The following WSCD2 variants were observed in gnomAD, a reference collection of about 807,000 sequenced individuals.
The protein encoded by WSCD2 is sialate:O-sulfotransferase 2.
In WSCD2, 28 loss-of-function variants were observed where a neutral mutation model predicts 55.7. The observed-to-expected ratio is 0.50, with a 90% CI of 0.37 to 0.69. The LOEUF (loss-of-function observed/expected upper bound fraction) is 0.69, where lower values mean the gene tolerates loss of function less well. WSCD2 is among the 30% of genes least tolerant of loss of function. The pLI, the probability that WSCD2 is intolerant of heterozygous loss-of-function variation, is 0.00. For missense variants in WSCD2, 616 were observed against 762.1 expected (o/e 0.81, Z 2.26); for synonymous variants, 301 against 301.9 (o/e 1.00, Z 0.03).
intron 1 of WSCD2, among the ~76,000 whole-genome samples, chr12:108,165,948 T>G (rs1879554929): frequency 6.6e-6 from 1 of 152,216 alleles, no homozygotes; most frequent in African/African-American, 2.4e-5. Flanking sequence ...AGCAAGCATT[T>G]GAGAGGTGTT....
intron 3 of WSCD2, among the ~76,000 whole-genome samples, chr12:108,209,150 A>G (rs934648803): frequency 6.6e-6 from 1 of 152,130 alleles, no homozygotes; most frequent in Non-Finnish European, 1.5e-5. Context: ...CCTTTTTAGG[A>G]AAGGATTCCA....
chr12:108,172,629 C>T (rs752332554), intron 1 of WSCD2, among the ~76,000 whole-genome samples: 1 of 152,144 alleles, frequency 6.6e-6, no homozygotes, highest in East Asian at 1.9e-4. Context: ...ATTGGGGTTA[C>T]ACCTCTACAA....
Position 108,248,016 on chromosome 12 carries a change from T to C in WSCD2, c.1371T>C (p.Tyr457=), listed in dbSNP as rs759461933. ...AGTGGCCAGAGTTCGTGAGGAACTA[T>C]GCCCCGTGGTGGGCCACTCACACAC... ...GKEWPEFVRN[Y]APWWATHTLD... is the part of the protein sequence containing the mutation. The change falls in exon 9 of 9, where the codon TAT becomes TAC. Residue 457 remains tyrosine, a synonymous_variant. Transcript: ENST00000547525. The surrounding 1 kb of genome is among the most constrained non-coding windows in gnomAD (Gnocchi z 4.3). 1.2e-6 allele frequency: 2 copies of C among 1,613,946 alleles called. No individual in the cohort carries two copies. Among genetic ancestry groups the C allele is most frequent in the East Asian group, 2.2e-5 (1 of 44,866 alleles).
intron 4 of WSCD2, among the ~76,000 whole-genome samples, chr12:108,216,344 G>T (rs532271225): frequency 6.6e-6 from 1 of 152,306 alleles, no homozygotes; most frequent in East Asian, 1.9e-4. Context: ...TAATGACATA[G>T]AGTAAACAGC....
intron 2 of WSCD2, among the ~76,000 whole-genome samples, chr12:108,202,313 G>T: frequency 6.6e-6 from 1 of 152,298 alleles, no homozygotes; most frequent in Middle Eastern, 3.4e-3. Flanking sequence ...TAATCAGGCC[G>T]TGATGCATAA....
rs1197446218 is a variant in WSCD2 at position 108,196,056 on chromosome 12, G to C, written c.224G>C (p.Gly75Ala). 1 of 1,614,064 alleles carries C rather than the reference G, an allele frequency of 6.2e-7. No homozygotes were observed. The highest frequency in any genetic ancestry group is 1.3e-5 in the African/African-American group (1 of 74,926). ...TTGGGTGACATGCATCTGGGCAGAG[G>C]TTTCCGGGACACAGGTGAAGCCTCA... ...SFLGDMHLGR[G>A]FRDTGEASSI... is the part of the protein sequence containing the mutation. Residue 75 changes from glycine to alanine, a missense_variant, in exon 2 of 9, where the codon GGT becomes GCT. Gly to Ala is a moderately conservative substitution (Grantham distance 60, BLOSUM62 0). Transcript: ENST00000547525.
chr12:108,187,941 G>A (rs775068375), intron 1 of WSCD2, among the ~76,000 whole-genome samples: 63 of 152,278 alleles, frequency 4.1e-4, no homozygotes, highest in Non-Finnish European at 3.5e-4. Flanking sequence ...TGCAACAAGC[G>A]AAGATGGCTG....
At chr12:108,226,730 C>A (rs1888134931) in intron 5 of WSCD2, among the ~76,000 whole-genome samples, 1 of 152,170 alleles carries the variant, frequency 6.6e-6, no homozygotes, top group African/African-American at 2.4e-5. Context: ...GGTAGCCATA[C>A]AAAGTATCCT....
intron 2 of WSCD2, among the ~76,000 whole-genome samples, chr12:108,198,081 G>A (rs947192938): frequency 4.6e-5 from 7 of 150,900 alleles, no homozygotes; most frequent in East Asian, 1.9e-4. Context: ...CACAATCCCC[G>A]ACTCTATTTT....
rs1592873954 is a variant in WSCD2, at chr12:108,142,066, T to A, written c.-552+12140T>A. Among the ~76,000 whole-genome samples the A allele has an allele frequency of 3.3e-5, 5 of 152,358 alleles. 1 individual carries two copies. The highest frequency in any genetic ancestry group is 3.3e-4 in the Admixed American group (5 of 15,310). On this transcript the variant is annotated intron_variant, in intron 1 of 8. Coordinates refer to ENST00000547525, the MANE Select transcript of WSCD2 (RefSeq NM_014653.4). The stretch of plus-strand genomic sequence containing the variant: ...AATTAGTTTCTTAATCTGCTTTAAG[T>A]TGCTAAAATGCCCCCGTCTCCCTTC...
At chr12:108,149,221 C>T (rs1005256041) in intron 1 of WSCD2, among the ~76,000 whole-genome samples, 13 of 152,150 alleles carry the variant, frequency 8.5e-5, no homozygotes, top group African/African-American at 2.2e-4. Flanking sequence ...AATGGGACTG[C>T]GGGATTGCAA....
chr12:108,239,091 G>A (rs538630052), intron 7 of WSCD2, among the ~76,000 whole-genome samples: 4 of 152,020 alleles, frequency 2.6e-5, no homozygotes, highest in African/African-American at 9.7e-5. Flanking sequence ...TCCTCTTAAG[G>A]GTTCTCCAGT....
At chr12:108,186,185 TC>T (rs1223916507) in intron 1 of WSCD2, among the ~76,000 whole-genome samples, 1 of 152,052 alleles carries the variant, frequency 6.6e-6, no homozygotes, top group Non-Finnish European at 1.5e-5. Flanking sequence ...TAAATTATTG[TC>T]CCCCCTTTTT....
chr12:108,185,504 C>T (rs1162433575), intron 1 of WSCD2, among the ~76,000 whole-genome samples: 1 of 152,120 alleles, frequency 6.6e-6, no homozygotes, highest in Non-Finnish European at 1.5e-5. Context: ...ACCACCCTAC[C>T]ACACACAGCT....
Position 108,209,432 on chromosome 12 carries a change from G to A in WSCD2, c.498-689G>A, listed in dbSNP as rs75251890. Among the ~76,000 whole-genome samples, 613 of 152,174 alleles carry A rather than the reference G, an allele frequency of 4.0e-3. 7 individuals carry two copies. Among genetic ancestry groups the A allele is most frequent in the African/African-American group, 0.014 (571 of 41,526 alleles). On this transcript the variant is annotated intron_variant, in intron 3 of 8. Coordinates refer to ENST00000547525, the MANE Select transcript of WSCD2 (RefSeq NM_014653.4). ...TGAATGTCTCAGGTTTCCAGACAGGGAAAAGCAAGAAAGAGAGTGGGGTAG... is the reference window on the plus strand; with the variant it reads ...TGAATGTCTCAGGTTTCCAGACAGGAAAAAGCAAGAAAGAGAGTGGGGTAG...
At chr12:108,207,185 T>G (rs1459205073) in intron 3 of WSCD2, among the ~76,000 whole-genome samples, 1 of 152,016 alleles carries the variant, frequency 6.6e-6, no homozygotes, top group Admixed American at 6.5e-5. Context: ...GAGCTGAGCT[T>G]CTCTCCTTGT....
intron 1 of WSCD2, among the ~76,000 whole-genome samples, chr12:108,152,144 G>A (rs971936047): frequency 1.4e-4 from 22 of 152,234 alleles, no homozygotes; most frequent in Non-Finnish European, 2.8e-4. Flanking sequence ...AGAGGAAAAA[G>A]AAGAGAAGCA....
chr12:108,156,582 C>G (rs1002490501), intron 1 of WSCD2, among the ~76,000 whole-genome samples: 7 of 152,176 alleles, frequency 4.6e-5, no homozygotes, highest in Non-Finnish European at 1.0e-4. Context: ...AAAATCTGAT[C>G]TGGCAGATTG....
At chr12:108,139,944 A>G (rs11613237) in intron 1 of WSCD2, among the ~76,000 whole-genome samples, 3 of 151,758 alleles carry the variant, frequency 2.0e-5, no homozygotes, top group African/African-American at 7.3e-5. Context: ...TGATCACACA[A>G]CCTTGGGCCA....
Sources: gnomAD v4.1 joint callset for allele counts (sites outside exome capture counted in the v4.1 genomes callset) on GRCh38, gnomAD v4.1.1 for gene constraint, Gnocchi (gnomAD v3.1) non-coding constraint, MANE v1.5 for transcripts, NCBI Gene and HGNC (gene_info 2026-07-23, HGNC 2026-07-21) for gene names.